The following EZH1 variants were observed in gnomAD, a reference collection of about 807,000 sequenced individuals.
The protein encoded by EZH1 is enhancer of zeste 1 polycomb repressive complex 2 subunit.
EZH1 carries 33 observed loss-of-function variants against 100.5 expected under a neutral mutation model. The observed-to-expected ratio is 0.33, with a 90% CI of 0.25 to 0.44. EZH1 has a LOEUF of 0.44. Among genes scored for constraint, EZH1 ranks in the 20% least tolerant of loss-of-function variants. The pLI is 1.00. For missense variants in EZH1, 475 were observed against 928.4 expected (o/e 0.51, Z 6.35); for synonymous variants, 272 against 313.8 (o/e 0.87, Z 1.41).
At chr17:42,744,949 C>T (rs1314175239) in intron 1 of EZH1, 62 bp downstream of exon 1, 2 of 1,253,854 alleles carry the variant, frequency 1.6e-6, no homozygotes, top group Admixed American at 5.2e-5. Context: ...CCCTCAGGCC[C>T]AGGGCGGCGA....
At chr17:42,724,238 G>A in intron 5 of EZH1, 67 bp downstream of exon 5, 1 of 1,581,366 alleles carries the variant, frequency 6.3e-7, no homozygotes. Flanking sequence ...CCTAAGAGGA[G>A]CTCTGGCATA....
intron 11 of EZH1, among the ~76,000 whole-genome samples, 186 bp from the exon 12 acceptor site, chr17:42,712,671 G>A (rs2053507516): frequency 6.6e-6 from 1 of 152,166 alleles, no homozygotes; most frequent in African/African-American, 2.4e-5. Flanking sequence ...GGGAGGCCGA[G>A]GTGGGTGGAT....
intron 1 of EZH1, among the ~76,000 whole-genome samples, chr17:42,740,215 T>G (rs1183780400): frequency 3.3e-5 from 5 of 151,902 alleles, no homozygotes; most frequent in African/African-American, 1.2e-4. Flanking sequence ...GCCTGGCTAA[T>G]TTTTTATATT....
intron 10 of EZH1, among the ~76,000 whole-genome samples, chr17:42,716,510 T>C (rs1475734310): frequency 2.6e-5 from 4 of 152,064 alleles, no homozygotes; most frequent in South Asian, 4.1e-4. Flanking sequence ...AAAAGAAAAA[T>C]TGTGCATACA....
At chr17:42,737,466 G>T (rs2054088275) in intron 1 of EZH1, among the ~76,000 whole-genome samples, 2 of 152,144 alleles carry the variant, frequency 1.3e-5, no homozygotes, top group Non-Finnish European at 2.9e-5. Flanking sequence ...AGTTGGGCAT[G>T]GTGGCGTGTG....
intron 3 of EZH1, among the ~76,000 whole-genome samples, chr17:42,728,219 T>A (rs559042428): frequency 3.7e-4 from 55 of 149,892 alleles, no homozygotes; most frequent in African/African-American, 1.3e-3. Flanking sequence ...GTTCAAGCAA[T>A]TCTCCTGCCT....
chr17:42,722,593 C>G lies in EZH1; in HGVS notation c.487+202G>C, dbSNP rs182292090. Among the ~76,000 whole-genome samples the G allele has an allele frequency of 2.2e-4, 33 of 148,156 alleles. No homozygotes were observed. In the Admixed American group the frequency reaches 2.2e-3, roughly 10 times the overall value. On this transcript the variant is annotated intron_variant, in intron 6 of 20. Transcript: ENST00000428826. ...TGAGCCTAGATTACACCACTGCACT[C>G]CAGCCTGGGCAACTAAGGCAAAACT...
chr17:42,719,653 C>T (rs1015700990), intron 7 of EZH1, among the ~76,000 whole-genome samples: 7 of 152,210 alleles, frequency 4.6e-5, no homozygotes, highest in African/African-American at 1.7e-4. Context: ...ACAAGAATCA[C>T]TTGAACCAGG....
chr17:42,736,029 A>AT (rs968210072), intron 1 of EZH1, among the ~76,000 whole-genome samples: 65 of 152,360 alleles, frequency 4.3e-4, no homozygotes, highest in African/African-American at 1.4e-3. Context: ...ACCAGAAAAG[A>AT]TACAGGAATG....
At chr17:42,724,228 C>G in intron 5 of EZH1, 77 bp downstream of exon 5, 1 of 1,560,428 alleles carries the variant, frequency 6.4e-7, no homozygotes, top group South Asian at 1.1e-5. Flanking sequence ...CAATCTTTAC[C>G]CTAAGAGGAG....
chr17:42,717,485 C>T (rs1217900370), intron 10 of EZH1, among the ~76,000 whole-genome samples: 1 of 152,206 alleles, frequency 6.6e-6, no homozygotes, highest in Non-Finnish European at 1.5e-5. Context: ...CTATTTCCTT[C>T]TAGCTCTCAA....
chr17:42,742,128 C>T (rs28733490), intron 1 of EZH1, among the ~76,000 whole-genome samples: 18,784 of 151,368 alleles, frequency 0.12, 3,519 homozygotes, highest in African/African-American at 0.41. Flanking sequence ...CTCCTTATTC[C>T]AGTGCTGTCT....
At position 42,708,836 on chromosome 17, in the gene EZH1, C is replaced by G. The variant is rs578131850; in HGVS notation, c.1534+40G>C. 1.4e-5 allele frequency: 23 copies of G among 1,612,802 alleles called. No individual in the cohort carries two copies. The East Asian group carries it at 4.2e-4, about 30-fold the overall frequency. On this transcript the variant is annotated intron_variant, in intron 14 of 20. Coordinates refer to ENST00000428826, the MANE Select transcript of EZH1 (RefSeq NM_001991.5). The stretch of plus-strand genomic sequence containing the variant: ...TAGGGTGATGACCACAGAGTGAGGC[C>G]TCCAGCTGAACTGCTGAAGAATGCC...
At position 42,718,139 on chromosome 17, in the gene EZH1, T is replaced by A; in HGVS notation, c.932-72A>T. ...AAGATGGGGAGAAACAAAAGTGAAT[T>A]AGAGAGCTATTGTAGGAGTTAGAAT... On this transcript the variant is annotated intron_variant, in intron 9 of 20. Transcript: ENST00000428826. The surrounding 1 kb of genome is among the most constrained non-coding windows in gnomAD (Gnocchi z 4.2). 1 of 1,320,212 alleles carries A rather than the reference T, an allele frequency of 7.6e-7. No homozygotes were observed. Among genetic ancestry groups the A allele is most frequent in the Non-Finnish European group, 1.1e-6 (1 of 923,076 alleles). The allele number at this position is 1,320,212 out of a possible 1,614,324, so 81.8% of individuals were successfully genotyped here.
intron 10 of EZH1, among the ~76,000 whole-genome samples, chr17:42,715,654 C>T (rs1446607948): frequency 6.6e-6 from 1 of 152,140 alleles, no homozygotes; most frequent in East Asian, 1.9e-4. Flanking sequence ...GAAAAAACAA[C>T]AGATGAATCC....
chr17:42,709,193 T>C (rs1383845242), intron 13 of EZH1: 2 of 508,374 alleles, frequency 3.9e-6, no homozygotes, highest in Non-Finnish European at 7.1e-6. Context: ...CCCAAGCCTA[T>C]TGGTCTATTA....
Position 42,728,829 on chromosome 17 carries a change from G to A in EZH1, c.113C>T (p.Ala38Val). 1 of 1,611,866 alleles carries A rather than the reference G, an allele frequency of 6.2e-7. No individual in the cohort carries two copies. Among genetic ancestry groups the A allele is most frequent in the Non-Finnish European group, 8.5e-7 (1 of 1,179,278 alleles). The change falls in exon 3 of 21, where the codon GCA becomes GTA. Residue 38 changes from alanine (A) to valine (V), a missense_variant. Around this residue, in one of 8 missense-constraint regions of EZH1, gnomAD observed 105 missense variants for 129.8 expected, o/e 0.81. Coordinates refer to ENST00000428826, the MANE Select transcript of EZH1 (RefSeq NM_001991.5). ...CACTTGGGAATTATTTTTTACCTTTGCACCCATATTTGCCTGAAGCCGTTT... is the reference window on the plus strand; with the variant it reads ...CACTTGGGAATTATTTTTTACCTTTACACCCATATTTGCCTGAAGCCGTTT... ...QLKRLQANMG[A>V]KALYVANFAK... is the part of the protein sequence containing the mutation.
rs1418390589 is a variant in EZH1, at chr17:42,700,988, GC to G, written c.*1543del. 1 of 152,342 alleles carries G rather than the reference GC, an allele frequency of 6.6e-6. No homozygotes were observed. The highest frequency in any genetic ancestry group is 6.5e-5 in the Admixed American group (1 of 15,270). 9.4% of individuals were successfully genotyped at this position (152,342 alleles called of 1,614,324 possible). ...TCTGAGTCCCAGAAAGAAGGGAGAA[GC>G]CTGCTCCCTACTGTAACACTCCCAG... is the stretch of plus-strand genomic sequence containing the variant. On this transcript the variant is annotated 3_prime_UTR_variant, in exon 21 of 21. Transcript: ENST00000428826.
chr17:42,701,707 T>C lies in EZH1; in HGVS notation c.*825A>G, dbSNP rs2053243705. ...TGCTTCTTCAATAGCAGCATAATGC[T>C]TGCCTGCAGCTGCTAAGCCAGAACT... On this transcript the variant is annotated 3_prime_UTR_variant, in exon 21 of 21. Transcript: ENST00000428826. The C allele has an allele frequency of 6.6e-6, 1 of 152,630 alleles. No homozygotes were observed. Among genetic ancestry groups the C allele is most frequent in the African/African-American group, 2.4e-5 (1 of 41,450 alleles). 9.5% of individuals were successfully genotyped at this position (152,630 alleles called of 1,614,324 possible).
Sources: gnomAD v4.1 joint callset for allele counts (sites outside exome capture counted in the v4.1 genomes callset) on GRCh38, gnomAD v4.1.1 for gene constraint, gnomAD v4.1.1 regional missense constraint, Gnocchi (gnomAD v3.1) non-coding constraint, MANE v1.5 for transcripts, NCBI Gene and HGNC (gene_info 2026-07-23, HGNC 2026-07-21) for gene names.